TXK: variants seen among roughly 807,000 people sequenced by gnomAD.
TXK encodes TXK tyrosine kinase.
TXK carries 60 observed loss-of-function variants against 81.0 expected under a neutral mutation model. That is an observed-to-expected ratio of 0.74 (90% confidence interval 0.60 to 0.92). The LOEUF (loss-of-function observed/expected upper bound fraction) is 0.92, where lower values mean the gene tolerates loss of function less well. Ranked by LOEUF, TXK falls within the 40% of genes least tolerant of loss-of-function variation. The pLI, the probability that TXK is intolerant of heterozygous loss-of-function variation, is 0.00. For synonymous variants in TXK, 203 were observed against 210.7 expected, an observed-to-expected ratio of 0.96 and a Z score of 0.32; for missense variants, 581 against 638.3, an observed-to-expected ratio of 0.91 and a Z score of 0.97.
At chr4:48,095,594 C>T (rs1288404134) in intron 6 of TXK, among the ~76,000 whole-genome samples, 1 of 152,054 alleles carries the variant, frequency 6.6e-6, no homozygotes, top group African/African-American at 2.4e-5. Flanking sequence ...GACAGACTGA[C>T]CGGATTGTAC....
At chr4:48,076,203 G>A (rs1379113803) in intron 12 of TXK, among the ~76,000 whole-genome samples, 199 bp downstream of exon 12, 1 of 152,114 alleles carries the variant, frequency 6.6e-6, no homozygotes, top group Non-Finnish European at 1.5e-5. Flanking sequence ...ATAGCCCACA[G>A]TAAACATTTA....
intron 8 of TXK, among the ~76,000 whole-genome samples, chr4:48,091,421 G>T (rs1717766763): frequency 6.6e-6 from 1 of 152,168 alleles, no homozygotes; most frequent in Admixed American, 6.5e-5. Flanking sequence ...GCCACGCTAG[G>T]AAGCATTACA....
chr4:48,125,448 A>C (rs1159078595), intron 1 of TXK, among the ~76,000 whole-genome samples: 1 of 152,178 alleles, frequency 6.6e-6, no homozygotes, highest in Non-Finnish European at 1.5e-5. Flanking sequence ...TAGTAAACGA[A>C]AGCGAATCTT....
intron 1 of TXK, among the ~76,000 whole-genome samples, chr4:48,127,540 A>G (rs1291481707): frequency 6.6e-6 from 1 of 152,246 alleles, no homozygotes; most frequent in Non-Finnish European, 1.5e-5. Flanking sequence ...CCAGAGTGAC[A>G]AAAATGCCCC....
chr4:48,128,429 A>G (rs1023734838), intron 1 of TXK, among the ~76,000 whole-genome samples: 6 of 151,956 alleles, frequency 3.9e-5, no homozygotes, highest in African/African-American at 1.5e-4. Flanking sequence ...GTGGCTTTGG[A>G]AAAATGGCTC....
intron 1 of TXK, among the ~76,000 whole-genome samples, chr4:48,130,051 G>A (rs1436940895): frequency 6.6e-6 from 1 of 152,200 alleles, no homozygotes; most frequent in Non-Finnish European, 1.5e-5. Flanking sequence ...GTTACAAAAG[G>A]CAGCTGCAGT....
chr4:48,084,321 T>C (rs1357217958), intron 10 of TXK, among the ~76,000 whole-genome samples: 1 of 152,022 alleles, frequency 6.6e-6, no homozygotes. Context: ...TTCAAACTCC[T>C]AGGCTCAAGT....
chr4:48,076,424 T>G lies in TXK; in HGVS notation c.1216A>C (p.Ile406Leu), dbSNP rs1291252719. ...TACCTTGTCATTCCAAAGTCTGAAA[T>G]TTTTACTATGCATGTTGAACTGACC... ...CLVSSTCIVK[I>L]SDFGMTRYVL... The change falls in exon 12 of 15, where the codon ATT becomes CTT. Residue 406 changes from isoleucine to leucine, a missense_variant. Physicochemically the swap from Ile to Leu is conservative, Grantham distance 5. Coordinates refer to ENST00000264316, the MANE Select transcript of TXK (RefSeq NM_003328.3). The G allele has an allele frequency of 1.7e-5, 27 of 1,612,850 alleles. No individual in the cohort carries two copies. Among genetic ancestry groups the G allele is most frequent in the Non-Finnish European group, 2.3e-5 (27 of 1,179,570 alleles).
At chr4:48,090,544 C>T (rs918045160) in intron 8 of TXK, among the ~76,000 whole-genome samples, 3 of 152,068 alleles carry the variant, frequency 2.0e-5, no homozygotes, top group Admixed American at 2.0e-4. Context: ...TAGGCATATA[C>T]CTTACGTTTC....
chr4:48,124,881 T>C (rs899602194), intron 1 of TXK, among the ~76,000 whole-genome samples: 2 of 152,220 alleles, frequency 1.3e-5, no homozygotes, highest in Non-Finnish European at 2.9e-5. Flanking sequence ...TCAGCAGGCT[T>C]TAGTATCAGG....
intron 10 of TXK, 40 bp downstream of exon 10, chr4:48,086,426 G>A: frequency 1.2e-6 from 2 of 1,602,862 alleles, no homozygotes; most frequent in Non-Finnish European, 1.7e-6. Context: ...ATGACACCAG[G>A]GCATGGTATG....
rs147630007 is a variant in TXK at position 48,128,373 on chromosome 4, T to G, written c.16+5782A>C. The stretch of plus-strand genomic sequence containing the variant: ...TGAGGAATGTCTGATACCGGCTGCT[T>G]TTGCAGTTGATGGGCTGTGGTGAGT... On this transcript the variant is annotated intron_variant, in intron 1 of 14. Coordinates refer to ENST00000264316, the MANE Select transcript of TXK (RefSeq NM_003328.3). 3.3e-4 allele frequency among the ~76,000 whole-genome samples: 50 copies of G among 152,168 alleles called. No homozygotes were observed. In the East Asian group the frequency reaches 9.7e-3, roughly 29 times the overall value.
intron 1 of TXK, among the ~76,000 whole-genome samples, chr4:48,121,618 A>G (rs1017148564): frequency 6.6e-6 from 1 of 152,234 alleles, no homozygotes; most frequent in Admixed American, 6.5e-5. Context: ...TGGATTACTT[A>G]TAATACCTAA....
intron 6 of TXK, among the ~76,000 whole-genome samples, chr4:48,097,463 G>C (rs1464257427): frequency 9.8e-5 from 14 of 143,348 alleles, no homozygotes; most frequent in African/African-American, 3.6e-4. Context: ...TCTGTCGCCA[G>C]GCTGGAGTGC....
At chr4:48,083,716 T>C (rs1001023027) in intron 10 of TXK, among the ~76,000 whole-genome samples, 1 of 152,248 alleles carries the variant, frequency 6.6e-6, no homozygotes, top group Admixed American at 6.5e-5. Context: ...TAGTCATCCT[T>C]TTAACACTCA....
In TXK at chr4:48,113,305, T is replaced by A. The variant is rs1431881299; in HGVS notation, c.76A>T (p.Met26Leu). 6.2e-7 allele frequency: 1 copy of A among 1,603,998 alleles called. No homozygotes were observed. The highest frequency in any genetic ancestry group is 8.5e-7 in the Non-Finnish European group (1 of 1,172,806). Reference sequence around the variant, plus strand: ...GTGCTCAGGCTTATCTGTGTTCTCATTTGTCTGACATTGAAAAGCAATCAT... The same window carrying A: ...GTGCTCAGGCTTATCTGTGTTCTCAATTGTCTGACATTGAAAAGCAATCAT... ...CCCCSVQKRQMRTQISLSTDE... is the reference protein window; with the variant it reads ...CCCCSVQKRQLRTQISLSTDE... Residue 26 changes from methionine (M) to leucine (L), a missense_variant, in exon 3 of 15, where the codon ATG becomes TTG. Physicochemically the swap from Met to Leu is conservative, Grantham distance 15 (BLOSUM62 2). Coordinates refer to ENST00000264316, the MANE Select transcript of TXK (RefSeq NM_003328.3).
rs147402448 is a variant in TXK at position 48,118,002 on chromosome 4, T to C, written c.17-3600A>G. Among the ~76,000 whole-genome samples, 585 of 152,320 alleles carry C rather than the reference T, an allele frequency of 3.8e-3. 2 individuals are homozygous for C. Among genetic ancestry groups the C allele is most frequent in the Middle Eastern group, 0.017 (5 of 294 alleles). On this transcript the variant is annotated intron_variant, in intron 1 of 14. Coordinates refer to ENST00000264316, the MANE Select transcript of TXK (RefSeq NM_003328.3). ...AATCTCTGGTTATATCTTCCTATTC[T>C]GTCCCTGTTCTAAGAAATTCAACCA...
chr4:48,090,302 T>C (rs1206471970), intron 8 of TXK, among the ~76,000 whole-genome samples: 1 of 152,252 alleles, frequency 6.6e-6, no homozygotes, highest in Non-Finnish European at 1.5e-5. Flanking sequence ...TACATTTGTC[T>C]GTACTTCTCA....
intron 1 of TXK, among the ~76,000 whole-genome samples, chr4:48,121,600 A>G (rs1446029923): frequency 2.6e-5 from 4 of 152,322 alleles, no homozygotes; most frequent in African/African-American, 9.6e-5. Flanking sequence ...TATACTTTAA[A>G]TCATCTCTGG....
Sources: gnomAD v4.1 joint callset for allele counts (sites outside exome capture counted in the v4.1 genomes callset) on GRCh38, gnomAD v4.1.1 for gene constraint, MANE v1.5 for transcripts, NCBI Gene and HGNC (gene_info 2026-07-23, HGNC 2026-07-21) for gene names.